RBFOX1: variants seen among roughly 807,000 people sequenced by gnomAD.
RBFOX1 encodes RNA binding protein fox-1 homolog 1.
In RBFOX1, 8 loss-of-function variants were observed where a neutral mutation model predicts 57.7. The ratio of observed to expected loss-of-function variants is 0.14; its 90% confidence interval spans 0.08 to 0.25. The LOEUF is 0.25. RBFOX1 is among the 10% of genes least tolerant of loss of function. RBFOX1 has a pLI of 1.00. For missense variants in RBFOX1, 611 were observed against 548.5 expected (o/e 1.11, Z -1.14); for synonymous variants, 326 against 222.4 (o/e 1.47, Z -4.15).
At chr16:7,296,865 C>T (rs979449995) in intron 4 of RBFOX1, among the ~76,000 whole-genome samples, 1 of 152,168 alleles carries the variant, frequency 6.6e-6, no homozygotes, top group Non-Finnish European at 1.5e-5. Context: ...AGTTAAGAGC[C>T]TAGCTTTGTG....
chr16:5,665,137 G>A lies in RBFOX1; in HGVS notation c.318+66176G>A, dbSNP rs995760047. Among the ~76,000 whole-genome samples, 818 of 142,938 alleles carry A rather than the reference G, an allele frequency of 5.7e-3. 46 individuals carry two copies. The highest frequency in any genetic ancestry group is 0.02 in the African/African-American group (789 of 40,028). 93.8% of individuals were successfully genotyped at this position (142,938 alleles called of 152,430 possible). ...ACTTTTTGATATTTTTACATGGGGG[G>A]GGGCGGTCTTGCTATATTGCCCAGG... On this transcript the variant is annotated intron_variant, in intron 3 of 19. Transcript: ENST00000641259.
At chr16:7,367,219 T>A (rs1568444932) in intron 4 of RBFOX1, among the ~76,000 whole-genome samples, 3 of 152,186 alleles carry the variant, frequency 2.0e-5, no homozygotes, top group Admixed American at 6.5e-5. Context: ...TCTTACTGTT[T>A]GCAAAGACGA....
At chr16:6,297,094 T>C (rs1388654850) in intron 1 of RBFOX1, among the ~76,000 whole-genome samples, 1 of 152,182 alleles carries the variant, frequency 6.6e-6, no homozygotes, top group Non-Finnish European at 1.5e-5. Flanking sequence ...ATTTATAAAC[T>C]GTCATGGTGC....
At chr16:6,775,165 A>G (rs1417612993) in intron 3 of RBFOX1, among the ~76,000 whole-genome samples, 5 of 141,068 alleles carry the variant, frequency 3.5e-5, no homozygotes, top group African/African-American at 1.4e-4. Context: ...CTCTACTAAA[A>G]GTACAAAAAA....
intron 4 of RBFOX1, among the ~76,000 whole-genome samples, chr16:7,454,245 C>T (rs536526288): frequency 1.4e-4 from 21 of 152,006 alleles, no homozygotes; most frequent in African/African-American, 5.1e-4. Flanking sequence ...ACCAACCCCC[C>T]CAAAAAAAGT....
intron 1 of RBFOX1, among the ~76,000 whole-genome samples, chr16:6,045,947 G>A (rs2152425573): frequency 6.6e-6 from 1 of 152,344 alleles, no homozygotes; most frequent in South Asian, 2.1e-4. Flanking sequence ...GGGGAACAGA[G>A]AAGGGATCAG....
chr16:6,686,723 T>G (rs1261601354), intron 3 of RBFOX1, among the ~76,000 whole-genome samples: 1 of 152,154 alleles, frequency 6.6e-6, no homozygotes, highest in African/African-American at 2.4e-5. Flanking sequence ...AACCTTCCCA[T>G]TATGTTTCAG....
chr16:6,450,750 TATAC>T (rs1308642896), intron 2 of RBFOX1, among the ~76,000 whole-genome samples: 1 of 63,314 alleles, frequency 1.6e-5, no homozygotes, highest in Non-Finnish European at 3.1e-5. Flanking sequence ...TTTATATATA[TATAC>T]ATATATATAT....
chr16:6,763,832 C>T (rs916928004), intron 3 of RBFOX1, among the ~76,000 whole-genome samples: 7 of 152,168 alleles, frequency 4.6e-5, no homozygotes, highest in African/African-American at 1.7e-4. Flanking sequence ...TTTGTTGTAA[C>T]TTTTGAAGAT....
At chr16:5,929,788 A>T (rs1370892003) in intron 4 of RBFOX1, among the ~76,000 whole-genome samples, 2 of 151,918 alleles carry the variant, frequency 1.3e-5, no homozygotes, top group Non-Finnish European at 2.9e-5. Context: ...ACACGCTGGG[A>T]TGGGATGTGA....
chr16:5,654,357 T>C (rs906039051), intron 3 of RBFOX1, among the ~76,000 whole-genome samples: 1 of 152,144 alleles, frequency 6.6e-6, no homozygotes, highest in African/African-American at 2.4e-5. Flanking sequence ...AAGCTGGAAA[T>C]GGGCCATGCT....
chr16:6,609,894 G>A lies in RBFOX1; in HGVS notation c.-63-44709G>A, dbSNP rs558275117. Among the ~76,000 whole-genome samples, 112 of 152,180 alleles carry A rather than the reference G, an allele frequency of 7.4e-4. 1 individual carries two copies. Among genetic ancestry groups the A allele is most frequent in the South Asian group, 1.7e-3 (8 of 4,816 alleles). On this transcript the variant is annotated intron_variant, in intron 2 of 15. Transcript: ENST00000550418. ...GTGGTGGTGCGCACCTGTAGTCCCA[G>A]CTACTTGGGAGGCTGAGGCACGAGA...
chr16:6,215,914 G>T (rs1398120847), intron 1 of RBFOX1, among the ~76,000 whole-genome samples: 1 of 152,158 alleles, frequency 6.6e-6, no homozygotes. Flanking sequence ...TGGAGTAAAA[G>T]GCAGTGATAA....
At chr16:6,959,514 C>G (rs749643921) in intron 3 of RBFOX1, among the ~76,000 whole-genome samples, 1 of 151,488 alleles carries the variant, frequency 6.6e-6, no homozygotes, top group African/African-American at 2.4e-5. Flanking sequence ...TATTTTTTAC[C>G]CTCTCTCATT....
At chr16:7,518,571 T>C in intron 5 of RBFOX1, among the ~76,000 whole-genome samples, 182 bp downstream of exon 5, 1 of 152,228 alleles carries the variant, frequency 6.6e-6, no homozygotes, top group East Asian at 1.9e-4. Flanking sequence ...ATTCTTAGCG[T>C]TCATTTAAAT....
chr16:6,822,110 G>T (rs1357258300), intron 3 of RBFOX1, among the ~76,000 whole-genome samples: 1 of 152,096 alleles, frequency 6.6e-6, no homozygotes, highest in Non-Finnish European at 1.5e-5. Context: ...AGCTACTGGG[G>T]GAGACAGACT....
At chr16:6,518,851 C>A (rs1464244190) in intron 2 of RBFOX1, among the ~76,000 whole-genome samples, 6 of 147,894 alleles carry the variant, frequency 4.1e-5, no homozygotes, top group African/African-American at 7.5e-5. Flanking sequence ...ATCTATCTGT[C>A]TTCCTGCAGA....
intron 4 of RBFOX1, among the ~76,000 whole-genome samples, chr16:6,011,344 C>A (rs375362616): frequency 1.3e-5 from 2 of 151,868 alleles, no homozygotes; most frequent in African/African-American, 4.8e-5. Context: ...AAAATGATTT[C>A]TAGTGGAACT....
At chr16:5,914,490 C>G (rs993821986) in intron 4 of RBFOX1, among the ~76,000 whole-genome samples, 3 of 152,138 alleles carry the variant, frequency 2.0e-5, no homozygotes, top group Non-Finnish European at 2.9e-5. Flanking sequence ...TGTAAGCTCA[C>G]TCATGTGGTT....
Sources: allele counts gnomAD v4.1 joint callset (sites outside exome capture counted in the v4.1 genomes callset), GRCh38; gene constraint gnomAD v4.1.1; transcripts MANE v1.5; gene names NCBI Gene and HGNC (gene_info 2026-07-23, HGNC 2026-07-21).